The following JAM3 variants were observed in gnomAD, a reference collection of about 807,000 sequenced individuals.
The protein encoded by JAM3 is junctional adhesion molecule C.
Under a neutral mutation model 39.4 loss-of-function variants are expected in JAM3, and 31 were observed. That is an observed-to-expected ratio of 0.79 (90% CI 0.59 to 1.06). The LOEUF (loss-of-function observed/expected upper bound fraction) is 1.06. JAM3 is among the 50% of genes least tolerant of loss of function. The pLI is 0.00. For synonymous variants in JAM3, 182 were observed against 148.7 expected, an observed-to-expected ratio of 1.22 and a Z score of -1.63; for missense variants, 455 against 391.4, an observed-to-expected ratio of 1.16 and a Z score of -1.37.
At chr11:134,126,189 C>T (rs912838818) in intron 1 of JAM3, 1 of 152,184 alleles carries the variant, frequency 6.6e-6, no homozygotes, top group South Asian at 2.1e-4. Flanking sequence ...GCTAGTAATA[C>T]TTGAGCCTAG....
intron 1 of JAM3, among the ~76,000 whole-genome samples, chr11:134,085,268 A>G (rs1029407751): frequency 6.6e-6 from 1 of 152,212 alleles, no homozygotes; most frequent in African/African-American, 2.4e-5. Context: ...GATTTGCAAT[A>G]ATGAATTATG....
intron 1 of JAM3, among the ~76,000 whole-genome samples, chr11:134,115,621 C>T (rs1942413642): frequency 6.6e-6 from 1 of 151,956 alleles, no homozygotes; most frequent in Admixed American, 6.6e-5. Flanking sequence ...GGGAGGGGGT[C>T]AGGTGCTGTG....
At chr11:134,107,867 TA>T (rs556809521) in intron 1 of JAM3, among the ~76,000 whole-genome samples, 14 of 148,118 alleles carry the variant, frequency 9.5e-5, no homozygotes, top group Non-Finnish European at 1.9e-4. Context: ...GTCTCTAAAA[TA>T]AATAAATAAA....
chr11:134,071,650 G>A (rs34671397), intron 1 of JAM3, among the ~76,000 whole-genome samples: 11,702 of 152,220 alleles, frequency 0.077, 584 homozygotes, highest in Admixed American at 0.11. Context: ...AAGACAACTT[G>A]TGTGCTGAAG....
intron 1 of JAM3, among the ~76,000 whole-genome samples, chr11:134,083,212 T>C (rs754566639): frequency 2.0e-5 from 3 of 152,214 alleles, no homozygotes; most frequent in Non-Finnish European, 2.9e-5. Context: ...ATATGAAAAA[T>C]AGGACAAAAT....
intron 5 of JAM3, among the ~76,000 whole-genome samples, chr11:134,145,634 C>G (rs1943058091): frequency 6.6e-6 from 1 of 152,182 alleles, no homozygotes; most frequent in South Asian, 2.1e-4. Flanking sequence ...ACAGGGTCCT[C>G]TGTGTTCATT....
At chr11:134,114,899 T>C (rs1412267366) in intron 1 of JAM3, among the ~76,000 whole-genome samples, 2 of 152,242 alleles carry the variant, frequency 1.3e-5, no homozygotes, top group Non-Finnish European at 2.9e-5. Flanking sequence ...GCATTCTTAC[T>C]GATTTTCTGT....
At chr11:134,100,445 AAAATTG>A in intron 1 of JAM3, among the ~76,000 whole-genome samples, 1 of 152,316 alleles carries the variant, frequency 6.6e-6, no homozygotes, top group South Asian at 2.1e-4. Context: ...TGGGGAGCTA[AAAATTG>A]AATGGGTTAT....
At chr11:134,128,953 C>T (rs927677745) in intron 1 of JAM3, among the ~76,000 whole-genome samples, 1 of 152,030 alleles carries the variant, frequency 6.6e-6, no homozygotes, top group Admixed American at 6.5e-5. Flanking sequence ...GCTTGAACAG[C>T]AAAAATGTAT....
At chr11:134,069,735 TGAGCGGGGGACGTAGCTGAGGACCGGC>T (rs1338326345) in intron 1 of JAM3, among the ~76,000 whole-genome samples, 2 of 152,236 alleles carry the variant, frequency 1.3e-5, no homozygotes, top group South Asian at 2.1e-4. Flanking sequence ...GAAGGGACGG[TGAGCGGGGGACGTAGCTGAGGACCGGC>T]GAGGCAGAGC....
chr11:134,069,763 G>A (rs549344113), intron 1 of JAM3, among the ~76,000 whole-genome samples: 1 of 152,310 alleles, frequency 6.6e-6, no homozygotes, highest in South Asian at 2.1e-4. Context: ...GAGGACCGGC[G>A]AGGCAGAGCT....
chr11:134,078,521 A>G (rs1293209861), intron 1 of JAM3, among the ~76,000 whole-genome samples: 3 of 152,180 alleles, frequency 2.0e-5, no homozygotes, highest in African/African-American at 7.2e-5. Context: ...GTCCTTTTAA[A>G]GATTTCCCCG....
chr11:134,097,093 C>T (rs1449381574), intron 1 of JAM3, among the ~76,000 whole-genome samples: 1 of 152,040 alleles, frequency 6.6e-6, no homozygotes, highest in African/African-American at 2.4e-5. Flanking sequence ...TACAGAAAAG[C>T]CTTTTTCTTG....
At chr11:134,095,235 A>G (rs1277959966) in intron 1 of JAM3, among the ~76,000 whole-genome samples, 1 of 152,240 alleles carries the variant, frequency 6.6e-6, no homozygotes, top group African/African-American at 2.4e-5. Flanking sequence ...AAATGAAGAA[A>G]TACACCTGTT....
intron 1 of JAM3, chr11:134,123,756 C>G: frequency 4.6e-6 from 3 of 648,278 alleles, no homozygotes; most frequent in Non-Finnish European, 8.5e-6. Context: ...ATTCCAGATT[C>G]ACATTTCCAG....
rs192933993 is a variant in JAM3, at chr11:134,127,793, C to T, written c.77-12058C>T. ...GGCACAACAGAGAATGGAGTGACAA[C>T]CGCTGCTCCTAGAATCACATTAAGA... On this transcript the variant is annotated intron_variant, in intron 1 of 8. Coordinates refer to ENST00000299106, the MANE Select transcript of JAM3 (RefSeq NM_032801.5). Among the ~76,000 whole-genome samples, 7 of 152,324 alleles carry T rather than the reference C, an allele frequency of 4.6e-5. No homozygotes were observed. The East Asian group carries it at 1.3e-3, about 29-fold the overall frequency.
chr11:134,104,062 T>G (rs1162696323), intron 1 of JAM3, among the ~76,000 whole-genome samples: 3 of 152,220 alleles, frequency 2.0e-5, no homozygotes, highest in Non-Finnish European at 4.4e-5. Context: ...TACATTCTTC[T>G]CAGCATCACA....
At chr11:134,101,664 A>G (rs1942075246) in intron 1 of JAM3, among the ~76,000 whole-genome samples, 1 of 152,204 alleles carries the variant, frequency 6.6e-6, no homozygotes, top group African/African-American at 2.4e-5. Flanking sequence ...TACCACAAGT[A>G]TTGCCTTTTA....
At chr11:134,071,670 A>G (rs1027581002) in intron 1 of JAM3, among the ~76,000 whole-genome samples, 1 of 152,230 alleles carries the variant, frequency 6.6e-6, no homozygotes, top group African/African-American at 2.4e-5. Flanking sequence ...GCATATCAAA[A>G]TCTGAAAATC....
Sources: allele counts gnomAD v4.1 joint callset (sites outside exome capture counted in the v4.1 genomes callset), GRCh38; gene constraint gnomAD v4.1.1; transcripts MANE v1.5; gene names NCBI Gene and HGNC (gene_info 2026-07-23, HGNC 2026-07-21).